ANKRD12: variants seen among roughly 807,000 people sequenced by gnomAD.
ANKRD12 encodes ankyrin repeat domain 12.
In ANKRD12, 85 loss-of-function variants were observed where a neutral mutation model predicts 183.4. The observed-to-expected ratio is 0.46, with a 90% CI of 0.39 to 0.56. ANKRD12 has a LOEUF of 0.56. Ranked by LOEUF, ANKRD12 falls within the 20% of genes least tolerant of loss-of-function variation. The pLI, the probability that ANKRD12 is intolerant of heterozygous loss-of-function variation, is 0.00. For missense variants in ANKRD12, 2,405 were observed against 2,357.1 expected (o/e 1.02, Z -0.42); for synonymous variants, 914 against 800.2 (o/e 1.14, Z -2.40).
At chr18:9,220,429 T>A (rs757008339) in intron 7 of ANKRD12, among the ~76,000 whole-genome samples, 1 of 152,100 alleles carries the variant, frequency 6.6e-6, no homozygotes, top group Non-Finnish European at 1.5e-5. Context: ...GCACAAAATA[T>A]CAAAACAAGA....
intron 9 of ANKRD12, among the ~76,000 whole-genome samples, chr18:9,262,783 GTCCCTTTTTT>G: frequency 1.1e-5 from 1 of 88,374 alleles, no homozygotes; most frequent in East Asian, 4.2e-4. Context: ...CAGCCAAGAT[GTCCCTTTTTT>G]TTTTTTTTTT....
chr18:9,243,617 A>C (rs2037783266), intron 8 of ANKRD12, among the ~76,000 whole-genome samples: 1 of 152,206 alleles, frequency 6.6e-6, no homozygotes, highest in Non-Finnish European at 1.5e-5. Context: ...ATCAGAGACC[A>C]AGAAAGTCCT....
intron 1 of ANKRD12, among the ~76,000 whole-genome samples, chr18:9,179,533 A>G (rs772625831): frequency 2.6e-5 from 4 of 152,066 alleles, no homozygotes; most frequent in Non-Finnish European, 5.9e-5. Flanking sequence ...TGAGGGGGGC[A>G]GGGGCAGGGC....
At chr18:9,154,795 G>A (rs1217521049) in intron 1 of ANKRD12, among the ~76,000 whole-genome samples, 1 of 152,186 alleles carries the variant, frequency 6.6e-6, no homozygotes. Context: ...TGGCTTAAGT[G>A]ATGGATGGAT....
intron 1 of ANKRD12, among the ~76,000 whole-genome samples, chr18:9,174,190 G>A (rs560660795): frequency 3.9e-5 from 6 of 152,336 alleles, no homozygotes; most frequent in Non-Finnish European, 7.4e-5. Context: ...CTGCAGAAAT[G>A]GCAGCCGCCC....
At chr18:9,138,653 CAT>C (rs2078212935) in intron 1 of ANKRD12, among the ~76,000 whole-genome samples, 1 of 152,226 alleles carries the variant, frequency 6.6e-6, no homozygotes, top group Non-Finnish European at 1.5e-5. Flanking sequence ...ACTGGCAGAA[CAT>C]ATGCTCTATT....
Position 9,279,604 on chromosome 18 carries a change from C to T in ANKRD12, c.5963C>T (p.Ser1988Phe), listed in dbSNP as rs775656625. ...CGCTTTAATGCAAGACAATTCATGTCTTGGTTACAAGATGTGGATGATAAA... is the reference window on the plus strand; with the variant it reads ...CGCTTTAATGCAAGACAATTCATGTTTTGGTTACAAGATGTGGATGATAAA... ...RDRFNARQFM[S>F]WLQDVDDKFD... is the part of the protein sequence containing the mutation. The change falls in exon 12 of 13, where the codon TCT (serine) becomes TTT (phenylalanine). Residue 1988 changes from serine (S) to phenylalanine (F), a missense_variant. Transcript: ENST00000262126. 1 of 1,605,934 alleles carries T rather than the reference C, an allele frequency of 6.2e-7. No homozygotes were observed. The highest frequency in any genetic ancestry group is 8.5e-7 in the Non-Finnish European group (1 of 1,177,576).
intron 1 of ANKRD12, among the ~76,000 whole-genome samples, chr18:9,160,727 G>T (rs533376540): frequency 2.2e-4 from 33 of 152,280 alleles, no homozygotes; most frequent in Admixed American, 7.9e-4. Context: ...AGTGTTATGA[G>T]CCTAAAAGAA....
At chr18:9,144,064 C>T (rs1345830657) in intron 1 of ANKRD12, among the ~76,000 whole-genome samples, 1 of 152,130 alleles carries the variant, frequency 6.6e-6, no homozygotes, top group African/African-American at 2.4e-5. Context: ...TTTACATTAG[C>T]TAATGCATGA....
intron 1 of ANKRD12, among the ~76,000 whole-genome samples, chr18:9,174,452 C>T (rs185021550): frequency 5.8e-4 from 88 of 152,350 alleles, no homozygotes; most frequent in African/African-American, 1.6e-3. Flanking sequence ...GCCAAGACTC[C>T]GCACAGCTCT....
chr18:9,198,750 A>T lies in ANKRD12; in HGVS notation c.235+3052A>T, dbSNP rs1031353768. Among the ~76,000 whole-genome samples, 6 of 152,052 alleles carry T rather than the reference A, an allele frequency of 3.9e-5. No individual in the cohort carries two copies. In the South Asian group the frequency reaches 1.2e-3, roughly 32 times the overall value. On this transcript the variant is annotated intron_variant, in intron 3 of 12. Coordinates refer to ENST00000262126, the MANE Select transcript of ANKRD12 (RefSeq NM_015208.5). ...TTTTTAGTAGAGACGGAGTTTCACCATGTTGGCCAGGCTGTTAACTCCCGA... is the reference window on the plus strand; with the variant it reads ...TTTTTAGTAGAGACGGAGTTTCACCTTGTTGGCCAGGCTGTTAACTCCCGA...
Position 9,257,844 on chromosome 18 carries a change from A to G in ANKRD12, c.4577A>G (p.Asn1526Ser). The G allele has an allele frequency of 6.2e-7, 1 of 1,613,748 alleles. No individual in the cohort carries two copies. The highest frequency in any genetic ancestry group is 1.1e-5 in the South Asian group (1 of 91,038). The change falls in exon 9 of 13, where the codon AAT (asparagine) becomes AGT (serine). Residue 1526 changes from asparagine (N) to serine (S), a missense_variant. Asn to Ser is a conservative substitution (Grantham distance 46, BLOSUM62 1). Transcript: ENST00000262126. ...GAGCCAGGTATTTTACAACAAAAAA[A>G]TGCAGTTCAGATTATTAGTTCTGCT... ...NQEPGILQQK[N>S]AVQIISSALD...
chr18:9,262,214 G>A (rs1223099810), intron 9 of ANKRD12, among the ~76,000 whole-genome samples: 1 of 152,154 alleles, frequency 6.6e-6, no homozygotes, highest in Non-Finnish European at 1.5e-5. Flanking sequence ...CATGATTCCT[G>A]TGGCACTACA....
chr18:9,256,570 A>C lies in ANKRD12; in HGVS notation c.3303A>C (p.Lys1101Asn). The change falls in exon 9 of 13, where the codon AAA becomes AAC. Residue 1101 changes from lysine (K) to asparagine (N), a missense_variant. By Grantham distance (94) the Lys-to-Asn change is moderately conservative. This residue lies in a region of ANKRD12 where 1,983 missense variants were observed against 1,725.9 expected (regional missense o/e 1.15). Transcript: ENST00000262126. ...IEQWHKKHKEKIKQKEKERLR... is the reference protein window; with the variant it reads ...IEQWHKKHKENIKQKEKERLR... Reference sequence around the variant, plus strand: ...AGTGGCACAAAAAACATAAGGAAAAAATTAAGCAAAAAGAAAAGGAACGGT... The same window carrying C: ...AGTGGCACAAAAAACATAAGGAAAACATTAAGCAAAAAGAAAAGGAACGGT... 1 of 1,596,184 alleles carries C rather than the reference A, an allele frequency of 6.3e-7. No homozygotes were observed. The highest frequency in any genetic ancestry group is 8.5e-7 in the Non-Finnish European group (1 of 1,175,892).
At chr18:9,226,996 A>C (rs2036755232) in intron 8 of ANKRD12, among the ~76,000 whole-genome samples, 1 of 152,098 alleles carries the variant, frequency 6.6e-6, no homozygotes, top group Non-Finnish European at 1.5e-5. Context: ...ATTATAAAGG[A>C]CGTTATTAGA....
intron 2 of ANKRD12, among the ~76,000 whole-genome samples, chr18:9,193,076 A>G (rs1454721896): frequency 6.6e-6 from 1 of 151,290 alleles, no homozygotes; most frequent in Non-Finnish European, 1.5e-5. Flanking sequence ...ATATATTCCA[A>G]GGAAATTACC....
chr18:9,145,812 T>C (rs929971880), intron 1 of ANKRD12, among the ~76,000 whole-genome samples: 8 of 152,246 alleles, frequency 5.3e-5, no homozygotes, highest in African/African-American at 1.9e-4. Context: ...GTATAGAATT[T>C]AAATAGGAGG....
chr18:9,138,835 A>G (rs1168079911), intron 1 of ANKRD12, among the ~76,000 whole-genome samples: 1 of 152,224 alleles, frequency 6.6e-6, no homozygotes, highest in Non-Finnish European at 1.5e-5. Context: ...GAAAAGTTTT[A>G]CTACTTAAGG....
intron 9 of ANKRD12, among the ~76,000 whole-genome samples, chr18:9,261,826 G>T (rs570535612): frequency 6.6e-6 from 1 of 152,210 alleles, no homozygotes; most frequent in South Asian, 2.1e-4. Context: ...ATGCAGGTCA[G>T]GTATTTGCCC....
Sources: allele counts gnomAD v4.1 joint callset (sites outside exome capture counted in the v4.1 genomes callset), GRCh38; gene constraint gnomAD v4.1.1; regional missense constraint gnomAD v4.1.1; transcripts MANE v1.5; gene names NCBI Gene and HGNC (gene_info 2026-07-23, HGNC 2026-07-21).